Variants in MRAP2 observed in about 807,000 individuals in gnomAD.
The protein encoded by MRAP2 is melanocortin-2 receptor accessory protein 2.
Under a neutral mutation model 17.4 loss-of-function variants are expected in MRAP2, and 20 were observed. The observed-to-expected ratio is 1.15, with a 90% CI of 0.81 to 1.67. The LOEUF is 1.67. MRAP2 is among the 40% of genes most tolerant of loss of function. The pLI, the probability that MRAP2 is intolerant of heterozygous loss-of-function variation, is 0.00. For synonymous variants in MRAP2, 96 were observed against 88.4 expected (o/e 1.09, Z -0.48); for missense variants, 238 against 240.0 (o/e 0.99, Z 0.05).
intron 1 of MRAP2, 132 bp downstream of exon 1, chr6:84,034,015 A>T: frequency 4.8e-6 from 3 of 627,080 alleles, no homozygotes; most frequent in Non-Finnish European, 6.0e-6. Context: ...GGGCTAGAGA[A>T]TGGGGTGGGA....
the MRAP2 span, among the ~76,000 whole-genome samples, chr6:84,096,050 G>A: frequency 1.2e-4 from 19 of 152,124 alleles, no homozygotes; most frequent in African/African-American, 4.6e-4. Flanking sequence ...TGGAGAGAGA[G>A]GTATTTACAT....
intron 2 of MRAP2, 62 bp downstream of exon 2, chr6:84,055,507 C>T (rs1349315545): frequency 3.3e-6 from 5 of 1,497,300 alleles, no homozygotes; most frequent in Non-Finnish European, 4.6e-6. Flanking sequence ...TGTGAAATCC[C>T]CAAGGATTAC....
the MRAP2 span, among the ~76,000 whole-genome samples, chr6:84,128,944 T>C: frequency 6.6e-6 from 1 of 152,000 alleles, no homozygotes; most frequent in Admixed American, 6.6e-5. Context: ...ATGCGGTGTT[T>C]GGTTTTCTGT....
chr6:84,115,046 C>A, the MRAP2 span, among the ~76,000 whole-genome samples: 1 of 152,164 alleles, frequency 6.6e-6, no homozygotes, highest in African/African-American at 2.4e-5. Flanking sequence ...TCAGGATAAA[C>A]GGGGGTCAGG....
chr6:84,084,381 TTGATC>T (rs1199017614), intron 3 of MRAP2, among the ~76,000 whole-genome samples: 1 of 152,192 alleles, frequency 6.6e-6, no homozygotes, highest in Admixed American at 6.5e-5. Flanking sequence ...TTTGACTTGT[TTGATC>T]TGAGAGGCTA....
At chr6:84,125,161 T>A in the MRAP2 span, 1 of 1,613,614 alleles carries the variant, frequency 6.2e-7, no homozygotes, top group Admixed American at 1.7e-5. Flanking sequence ...TAATATTGAG[T>A]CTAGTTCTGT....
At chr6:84,108,867 G>A in the MRAP2 span, among the ~76,000 whole-genome samples, 867 of 152,226 alleles carry the variant, frequency 5.7e-3, 12 homozygotes, top group African/African-American at 0.019. Flanking sequence ...GTAAGGAAGG[G>A]GTTCAGTTTC....
At chr6:84,117,788 G>A in the MRAP2 span, among the ~76,000 whole-genome samples, 2 of 152,090 alleles carry the variant, frequency 1.3e-5, no homozygotes, top group Non-Finnish European at 2.9e-5. Context: ...GGTTTTTCCA[G>A]TACCTGGAGG....
the MRAP2 span, among the ~76,000 whole-genome samples, chr6:84,143,440 T>G: frequency 2.0e-5 from 3 of 152,140 alleles, no homozygotes; most frequent in East Asian, 5.8e-4. Flanking sequence ...GGAAACAACT[T>G]TGTATGCAAA....
chr6:84,131,778 G>T, the MRAP2 span, among the ~76,000 whole-genome samples: 1 of 152,052 alleles, frequency 6.6e-6, no homozygotes, highest in East Asian at 1.9e-4. Context: ...ACACTGATGG[G>T]TTTTGACTCT....
the MRAP2 span, among the ~76,000 whole-genome samples, chr6:84,136,407 T>G: frequency 6.6e-6 from 1 of 152,174 alleles, no homozygotes; most frequent in Admixed American, 6.5e-5. Context: ...AGAGAGGGAA[T>G]GAGAACCACT....
rs574859134 is a variant in MRAP2, at chr6:84,063,505, G to A, written c.227+513G>A. 2.9e-5 allele frequency: 24 copies of A among 815,138 alleles called. No individual in the cohort carries two copies. In the South Asian group the frequency reaches 1.1e-3, roughly 36 times the overall value. The allele number at this position is 815,138 out of a possible 1,614,324, so 50.5% of individuals were successfully genotyped here. A position where few individuals can be genotyped will look rare whatever the true frequency, so the allele number is the denominator to read the frequency against. On this transcript the variant is annotated intron_variant, in intron 3 of 3. Transcript: ENST00000257776. Reference sequence around the variant, plus strand: ...AAACTAGGATACAAAGGCAAACACTGTGGTTTACATAATTCTCATAACATG... The same window carrying A: ...AAACTAGGATACAAAGGCAAACACTATGGTTTACATAATTCTCATAACATG...
At chr6:84,122,915 G>A in the MRAP2 span, among the ~76,000 whole-genome samples, 1,625 of 151,862 alleles carry the variant, frequency 0.011, 34 homozygotes, top group African/African-American at 0.037. Flanking sequence ...AAAACCCAGT[G>A]GAATCTCTAT....
chr6:84,117,546 GTTA>G, the MRAP2 span, among the ~76,000 whole-genome samples: 1 of 151,422 alleles, frequency 6.6e-6, no homozygotes, highest in Non-Finnish European at 1.5e-5. Context: ...TTCAAAATGT[GTTA>G]TTGTTCTATT....
the MRAP2 span, among the ~76,000 whole-genome samples, chr6:84,136,170 T>G: frequency 5.3e-5 from 8 of 152,240 alleles, no homozygotes; most frequent in African/African-American, 1.9e-4. Flanking sequence ...GGATAACTAC[T>G]GGACAAAAAC....
the MRAP2 span, among the ~76,000 whole-genome samples, chr6:84,130,475 C>T: frequency 7.9e-5 from 12 of 152,150 alleles, no homozygotes; most frequent in Admixed American, 3.9e-4. Flanking sequence ...CGGCTGTGCA[C>T]CCATCCAGTC....
At chr6:84,095,023 T>C (rs761249189), downstream of MRAP2, among the ~76,000 whole-genome samples, 5 of 152,136 alleles carry the variant, frequency 3.3e-5, no homozygotes, top group Non-Finnish European at 7.4e-5. Context: ...ACATTTTTAG[T>C]TGTGTTTTGT....
At chr6:84,061,324 A>T (rs538802880) in intron 2 of MRAP2, among the ~76,000 whole-genome samples, 1 of 152,326 alleles carries the variant, frequency 6.6e-6, no homozygotes, top group South Asian at 2.1e-4. Flanking sequence ...CACATAGACA[A>T]GCTTCTTAGT....
At chr6:84,134,625 C>T in the MRAP2 span, among the ~76,000 whole-genome samples, 106 of 152,256 alleles carry the variant, frequency 7.0e-4, no homozygotes, top group East Asian at 6.0e-3. Context: ...TTGCACTTCC[C>T]GGATGAGGCA....
Sources: allele counts gnomAD v4.1 joint callset (sites outside exome capture counted in the v4.1 genomes callset), GRCh38; gene constraint gnomAD v4.1.1; transcripts MANE v1.5; gene names NCBI Gene and HGNC (gene_info 2026-07-23, HGNC 2026-07-21).